ERBB4: variants seen among roughly 807,000 people sequenced by gnomAD.
ERBB4 encodes receptor tyrosine-protein kinase erbB-4.
A neutral mutation model predicts 158.0 loss-of-function variants in ERBB4; 42 were observed. The observed-to-expected ratio is 0.27, with a 90% CI of 0.21 to 0.34. ERBB4 has a LOEUF of 0.34. Among genes scored for constraint, ERBB4 ranks in the 10% least tolerant of loss-of-function variants. The pLI is 1.00. For synonymous variants in ERBB4, 583 were observed against 558.7 expected (o/e 1.04, Z -0.61); for missense variants, 1,333 against 1,624.1 (o/e 0.82, Z 3.08).
chr2:212,428,031 T>C (rs1014479579), intron 1 of ERBB4, among the ~76,000 whole-genome samples: 13 of 152,050 alleles, frequency 8.5e-5, no homozygotes, highest in Admixed American at 6.6e-4. Context: ...AAGGTGTACA[T>C]AGTAGAAAGG....
intron 1 of ERBB4, among the ~76,000 whole-genome samples, chr2:212,369,389 C>A (rs1009799756): frequency 2.0e-5 from 3 of 151,976 alleles, no homozygotes; most frequent in Admixed American, 6.6e-5. Flanking sequence ...TCTCTGCTGT[C>A]AAATTTCCTT....
chr2:212,023,894 T>C (rs543578704), intron 2 of ERBB4, among the ~76,000 whole-genome samples: 1 of 151,188 alleles, frequency 6.6e-6, no homozygotes, highest in East Asian at 1.9e-4. Flanking sequence ...ATAGAAAATA[T>C]ACAACAAAAA....
At chr2:211,408,271 G>C (rs2063185601) in intron 25 of ERBB4, among the ~76,000 whole-genome samples, 1 of 152,144 alleles carries the variant, frequency 6.6e-6, no homozygotes, top group African/African-American at 2.4e-5. Flanking sequence ...ATTTACAGCA[G>C]AGCTGCGAAT....
At chr2:212,248,106 T>G (rs1412283670) in intron 1 of ERBB4, among the ~76,000 whole-genome samples, 1 of 152,188 alleles carries the variant, frequency 6.6e-6, no homozygotes, top group Non-Finnish European at 1.5e-5. Flanking sequence ...TTGAATTTTG[T>G]TTTTACTTTT....
chr2:212,040,614 C>T (rs1024329456), intron 2 of ERBB4, among the ~76,000 whole-genome samples: 1 of 152,026 alleles, frequency 6.6e-6, no homozygotes, highest in African/African-American at 2.4e-5. Flanking sequence ...CTGCCAGTTG[C>T]CCTATATTCA....
chr2:212,126,402 G>C (rs2079928421), intron 1 of ERBB4, among the ~76,000 whole-genome samples: 1 of 141,670 alleles, frequency 7.1e-6, no homozygotes, highest in Admixed American at 7.8e-5. Context: ...GGAGGTTGCA[G>C]TGAGCCAAGA....
chr2:211,553,862 C>A (rs981815777), intron 20 of ERBB4, among the ~76,000 whole-genome samples: 22 of 152,190 alleles, frequency 1.4e-4, no homozygotes, highest in African/African-American at 5.1e-4. Context: ...TATCTATGAC[C>A]CATAGTAGCT....
chr2:212,037,326 CT>C (rs1254573858), intron 2 of ERBB4, among the ~76,000 whole-genome samples: 1 of 152,088 alleles, frequency 6.6e-6, no homozygotes, highest in African/African-American at 2.4e-5. Context: ...GGGAACACAT[CT>C]GAGAGATGAG....
At chr2:211,695,576 T>C (rs368487624) in intron 12 of ERBB4, among the ~76,000 whole-genome samples, 5 of 152,278 alleles carry the variant, frequency 3.3e-5, no homozygotes, top group African/African-American at 1.2e-4. Context: ...CTCAAACATA[T>C]ACTTTTTATC....
chr2:211,906,685 C>T (rs1416401035), intron 3 of ERBB4, among the ~76,000 whole-genome samples: 1 of 151,052 alleles, frequency 6.6e-6, no homozygotes, highest in Admixed American at 6.6e-5. Flanking sequence ...TATTTTTTTT[C>T]TGATCCTCTC....
intron 20 of ERBB4, among the ~76,000 whole-genome samples, chr2:211,469,099 A>G (rs1046604352): frequency 6.6e-6 from 1 of 152,002 alleles, no homozygotes; most frequent in Non-Finnish European, 1.5e-5. Flanking sequence ...CAGAGCTGGA[A>G]GGGAAACTCT....
intron 1 of ERBB4, among the ~76,000 whole-genome samples, chr2:212,366,871 T>C (rs1469574050): frequency 1.3e-5 from 2 of 152,072 alleles, no homozygotes; most frequent in East Asian, 1.9e-4. Context: ...ATTACTATAG[T>C]TGTATAAATG....
Position 211,716,362 on chromosome 2 carries a change from C to CAAAAAAAAAA in ERBB4, c.884-2724_884-2715dup, listed in dbSNP as rs534486221. 6.4e-4 allele frequency among the ~76,000 whole-genome samples: 44 copies of CAAAAAAAAAA among 69,284 alleles called. 2 individuals carry two copies. The highest frequency in any genetic ancestry group is 3.5e-3 in the African/African-American group (40 of 11,562). 45.5% of individuals were successfully genotyped at this position (69,284 alleles called of 152,430 possible). ...GGGCAACAACAGTGAAACTCTGTCT[C>CAAAAAAAAAA]AAAAAAAAAAAAAAAAAAAAAAAAA... On this transcript the variant is annotated intron_variant, in intron 7 of 27. Transcript: ENST00000342788.
chr2:211,867,024 C>CAAA (rs386392490), intron 3 of ERBB4, among the ~76,000 whole-genome samples: 873 of 60,648 alleles, frequency 0.014, 128 homozygotes, highest in African/African-American at 0.036. Flanking sequence ...TCCTTAAAAC[C>CAAA]AAAAAAAAAA....
chr2:212,135,389 G>C (rs1161638166), intron 1 of ERBB4, among the ~76,000 whole-genome samples: 1 of 151,992 alleles, frequency 6.6e-6, no homozygotes, highest in African/African-American at 2.4e-5. Flanking sequence ...GTAAATTTTT[G>C]TACTTTGTAT....
intron 12 of ERBB4, among the ~76,000 whole-genome samples, chr2:211,691,250 A>G (rs1329350630): frequency 6.6e-6 from 1 of 152,142 alleles, no homozygotes; most frequent in African/African-American, 2.4e-5. Flanking sequence ...CATGCTACTT[A>G]TCTTTAAAGT....
At chr2:212,085,079 C>T in intron 2 of ERBB4, among the ~76,000 whole-genome samples, 1 of 151,804 alleles carries the variant, frequency 6.6e-6, no homozygotes, top group East Asian at 1.9e-4. Flanking sequence ...TTTCCTGTCC[C>T]CTCATCTTTA....
At chr2:211,840,941 T>G (rs1575228168) in intron 3 of ERBB4, among the ~76,000 whole-genome samples, 1 of 152,016 alleles carries the variant, frequency 6.6e-6, no homozygotes, top group East Asian at 1.9e-4. Flanking sequence ...AACATTTTAC[T>G]AATGTCACAT....
chr2:212,516,653 A>G (rs1222022260), intron 1 of ERBB4, among the ~76,000 whole-genome samples: 1 of 152,096 alleles, frequency 6.6e-6, no homozygotes, highest in Non-Finnish European at 1.5e-5. Context: ...GAGTGTGTTG[A>G]ATTTATATGT....
Sources: gnomAD v4.1 joint callset for allele counts (sites outside exome capture counted in the v4.1 genomes callset) on GRCh38, gnomAD v4.1.1 for gene constraint, MANE v1.5 for transcripts, NCBI Gene and HGNC (gene_info 2026-07-23, HGNC 2026-07-21) for gene names.